The following CDC42SE2 variants were observed in gnomAD, a reference collection of about 807,000 sequenced individuals.
CDC42SE2 encodes CDC42 small effector protein 2.
A neutral mutation model predicts 11.5 loss-of-function variants in CDC42SE2; 3 were observed. The observed-to-expected ratio is 0.26, with a 90% CI of 0.12 to 0.67. CDC42SE2 has a LOEUF of 0.67. Among genes scored for constraint, CDC42SE2 ranks in the 30% least tolerant of loss-of-function variants. The probability of loss-of-function intolerance (pLI) is 0.80; values close to 1 mark genes in which losing one functional copy is unlikely to be tolerated. For synonymous variants in CDC42SE2, 33 were observed against 34.8 expected, an observed-to-expected ratio of 0.95 and a Z score of 0.18; for missense variants, 82 against 106.8, an observed-to-expected ratio of 0.77 and a Z score of 1.02.
rs35818778 is a variant in CDC42SE2, at chr5:131,342,388, C to CTTTTTTTTTTTTTTTTTTTTTTTTTTT, written c.-285-16802_-285-16801insTTTTTTTTTTTTTTTTTTTTTTTTTTT. 1.7e-4 allele frequency among the ~76,000 whole-genome samples: 19 copies of CTTTTTTTTTTTTTTTTTTTTTTTTTTT among 111,334 alleles called. 3 individuals carry two copies. The highest frequency in any genetic ancestry group is 7.5e-4 in the African/African-American group (17 of 22,548). 73.0% of individuals were successfully genotyped at this position (111,334 alleles called of 152,430 possible). On this transcript the variant is annotated intron_variant, in intron 2 of 4. Transcript: ENST00000505065. ...TCAGAGATTTGCCATTTTTAATAGTCTTTTTTTTTTTTTTTTTTTAAGATA... is the reference window on the plus strand; with the variant it reads ...TCAGAGATTTGCCATTTTTAATAGTCTTTTTTTTTTTTTTTTTTTTTTTTTTTTTTTTTTTTTTTTTTTTTTAAGATA...
At chr5:131,321,185 A>G (rs1758179180) in intron 2 of CDC42SE2, among the ~76,000 whole-genome samples, 1 of 152,158 alleles carries the variant, frequency 6.6e-6, no homozygotes, top group African/African-American at 2.4e-5. Context: ...CTTATGGTTA[A>G]ATTCTGTAGC....
intron 3 of CDC42SE2, among the ~76,000 whole-genome samples, chr5:131,382,200 C>A (rs994297178): frequency 6.6e-6 from 1 of 152,206 alleles, no homozygotes; most frequent in Non-Finnish European, 1.5e-5. Flanking sequence ...CCATCCTTTG[C>A]TTTTCAGTGT....
intron 1 of CDC42SE2, 32 bp downstream of exon 1, chr5:131,264,198 G>A (rs1170838605): frequency 6.6e-6 from 1 of 152,134 alleles, no homozygotes; most frequent in South Asian, 2.1e-4. Flanking sequence ...GTCGCGCGTC[G>A]GCCGCCACGC....
intron 3 of CDC42SE2, among the ~76,000 whole-genome samples, chr5:131,371,663 AT>A (rs1231950681): frequency 6.6e-6 from 1 of 152,262 alleles, no homozygotes; most frequent in Admixed American, 6.5e-5. Context: ...TAAGAAGTTA[AT>A]TAGTAAACTA....
At chr5:131,221,164 A>G in the CDC42SE2 span, among the ~76,000 whole-genome samples, 1 of 151,900 alleles carries the variant, frequency 6.6e-6, no homozygotes, top group African/African-American at 2.4e-5. Context: ...AAGATTACAG[A>G]CGCCCAGCCT....
chr5:131,317,270 C>G (rs373468041), intron 2 of CDC42SE2, among the ~76,000 whole-genome samples: 1 of 152,026 alleles, frequency 6.6e-6, no homozygotes, highest in Non-Finnish European at 1.5e-5. Flanking sequence ...CCAACTTTAC[C>G]GTCAGAACCA....
intron 3 of CDC42SE2, among the ~76,000 whole-genome samples, chr5:131,372,588 C>T (rs187531583): frequency 6.6e-5 from 10 of 152,138 alleles, no homozygotes; most frequent in African/African-American, 1.9e-4. Context: ...GTGGCACGCA[C>T]CTGTAGTCCC....
Position 131,334,709 on chromosome 5 carries a change from A to C in CDC42SE2, c.-286+18565A>C, listed in dbSNP as rs566344037. Among the ~76,000 whole-genome samples the C allele has an allele frequency of 1.8e-3, 276 of 152,150 alleles. 1 individual carries two copies. The highest frequency in any genetic ancestry group is 6.2e-3 in the African/African-American group (259 of 41,546). ...TTAGTCTTGGGAGAGTGTATGTGTCAAGGAATTTATCCATTTCTTCTAGAT... is the reference window on the plus strand; with the variant it reads ...TTAGTCTTGGGAGAGTGTATGTGTCCAGGAATTTATCCATTTCTTCTAGAT... On this transcript the variant is annotated intron_variant, in intron 2 of 4. Transcript: ENST00000505065.
chr5:131,216,601 G>A, the CDC42SE2 span, among the ~76,000 whole-genome samples: 1 of 151,906 alleles, frequency 6.6e-6, no homozygotes, highest in Non-Finnish European at 1.5e-5. Flanking sequence ...TTGACACAGG[G>A]TGAGGATACA....
chr5:131,253,297 G>C (rs931634663), intron 1 of CDC42SE2, among the ~76,000 whole-genome samples: 7 of 152,206 alleles, frequency 4.6e-5, no homozygotes, highest in Non-Finnish European at 8.8e-5. Context: ...ATACATAACA[G>C]TGCTAAATTG....
intron 2 of CDC42SE2, among the ~76,000 whole-genome samples, chr5:131,339,504 T>C (rs186310826): frequency 8.4e-4 from 128 of 152,214 alleles, no homozygotes; most frequent in African/African-American, 2.9e-3. Context: ...ATAGAACTTA[T>C]TAAAATGAAA....
chr5:131,250,221 C>T (rs1756628938), intron 1 of CDC42SE2, among the ~76,000 whole-genome samples: 2 of 152,108 alleles, frequency 1.3e-5, no homozygotes, highest in Non-Finnish European at 2.9e-5. Flanking sequence ...TGGAAACAAC[C>T]CAGATGCATG....
intron 2 of CDC42SE2, among the ~76,000 whole-genome samples, chr5:131,333,858 T>G (rs1044945556): frequency 2.0e-5 from 3 of 152,198 alleles, no homozygotes; most frequent in Admixed American, 6.5e-5. Flanking sequence ...TTAAGGAGAT[T>G]TTGGGCTGAG....
intron 1 of CDC42SE2, among the ~76,000 whole-genome samples, chr5:131,303,338 A>C: frequency 6.6e-6 from 1 of 152,206 alleles, no homozygotes; most frequent in East Asian, 1.9e-4. Context: ...TAAAAATGGG[A>C]CATATATTTA....
At chr5:131,361,895 G>A (rs1172067400) in intron 3 of CDC42SE2, among the ~76,000 whole-genome samples, 2 of 152,070 alleles carry the variant, frequency 1.3e-5, no homozygotes, top group African/African-American at 2.4e-5. Context: ...TTCCCTCGAC[G>A]TCTTTTCACC....
chr5:131,249,096 C>T (rs1756619822), intron 1 of CDC42SE2, among the ~76,000 whole-genome samples: 1 of 146,640 alleles, frequency 6.8e-6, no homozygotes, highest in Non-Finnish European at 1.5e-5. Context: ...TGGCTCACTG[C>T]AACCTCTGCC....
intron 1 of CDC42SE2, among the ~76,000 whole-genome samples, chr5:131,306,221 C>T (rs1580743033): frequency 6.6e-6 from 1 of 152,106 alleles, no homozygotes; most frequent in Non-Finnish European, 1.5e-5. Context: ...TATATGCTAC[C>T]TGCTCATTAG....
At chr5:131,255,478 G>A (rs1561562241) in intron 2 of CDC42SE2, 1 of 152,118 alleles carries the variant, frequency 6.6e-6, no homozygotes, top group Non-Finnish European at 1.5e-5. Flanking sequence ...AAAAGATTGC[G>A]AGAGAGCCGG....
At chr5:131,349,555 T>C (rs750542276) in intron 2 of CDC42SE2, among the ~76,000 whole-genome samples, 1 of 152,182 alleles carries the variant, frequency 6.6e-6, no homozygotes, top group African/African-American at 2.4e-5. Context: ...TCAACAGTTA[T>C]ATATTGGTTT....
Sources: gnomAD v4.1 joint callset for allele counts (sites outside exome capture counted in the v4.1 genomes callset) on GRCh38, gnomAD v4.1.1 for gene constraint, MANE v1.5 for transcripts, NCBI Gene and HGNC (gene_info 2026-07-23, HGNC 2026-07-21) for gene names.